The following MGAM2 variants were observed in gnomAD, a reference collection of about 807,000 sequenced individuals.
MGAM2 encodes maltase-glucoamylase 2 (putative).
A neutral mutation model predicts 96.1 loss-of-function variants in MGAM2; 98 were observed. The ratio of observed to expected loss-of-function variants is 1.02; its 90% CI spans 0.87 to 1.21. MGAM2 has a LOEUF of 1.21. Ranked by LOEUF, MGAM2 falls within the 50% of genes most tolerant of loss-of-function variation. The pLI, the probability that MGAM2 is intolerant of heterozygous loss-of-function variation, is 0.00. For missense variants in MGAM2, 2,055 were observed against 1,182.4 expected, an observed-to-expected ratio of 1.74 and a Z score of -10.82; for synonymous variants, 749 against 414.8, an observed-to-expected ratio of 1.81 and a Z score of -9.79.
intron 2 of MGAM2, 29 bp from the exon 3 acceptor site, chr7:142,120,273 T>C (rs1204279820): frequency 1.4e-6 from 1 of 701,964 alleles, no homozygotes; most frequent in African/African-American, 1.7e-5. Flanking sequence ...ACTACACATT[T>C]TCAACTTTAT....
chr7:142,208,754 G>A (rs1797487517), intron 46 of MGAM2, 132 bp downstream of exon 46: 2 of 574,054 alleles, frequency 3.5e-6, no homozygotes, highest in African/African-American at 1.9e-5. Flanking sequence ...TTATAATCCA[G>A]GTCTGTTGTC....
At chr7:142,124,721 A>G (rs1389986223) in intron 3 of MGAM2, among the ~76,000 whole-genome samples, 2 of 152,170 alleles carry the variant, frequency 1.3e-5, no homozygotes, top group Admixed American at 6.5e-5. Context: ...AACATGGTAT[A>G]TATCTTTCTA....
chr7:142,139,396 A>G (rs2129079962), intron 10 of MGAM2, among the ~76,000 whole-genome samples: 1 of 152,302 alleles, frequency 6.6e-6, no homozygotes, highest in East Asian at 1.9e-4. Context: ...GCGGTGGCTC[A>G]TGCCTGTAAT....
In MGAM2 at chr7:142,177,092, A is replaced by G. The variant is rs549704619; in HGVS notation, c.3816+1312A>G. 2.6e-5 allele frequency among the ~76,000 whole-genome samples: 4 copies of G among 152,234 alleles called. 1 individual carries two copies. In the South Asian group the frequency reaches 8.3e-4, roughly 32 times the overall value. On this transcript the variant is annotated intron_variant, in intron 32 of 47. Coordinates refer to ENST00000477922, the MANE Select transcript of MGAM2 (RefSeq NM_001293626.2). Reference sequence around the variant, plus strand: ...ATTGTGTAATGCTGAGGTTTGGAGTATGTATTAGTCTGTTTTCACGCTGCC... The same window carrying G: ...ATTGTGTAATGCTGAGGTTTGGAGTGTGTATTAGTCTGTTTTCACGCTGCC...
chr7:142,181,115 T>A (rs1365328636), intron 32 of MGAM2, among the ~76,000 whole-genome samples: 4 of 152,236 alleles, frequency 2.6e-5, no homozygotes, highest in African/African-American at 9.6e-5. Context: ...ATACTCTGAC[T>A]TTTTGAATTG....
rs1162616812 is a variant in MGAM2 at position 142,114,206 on chromosome 7, GAA to G, written c.-1+2401_-1+2402del. On this transcript the variant is annotated intron_variant, in intron 1 of 47. Coordinates refer to ENST00000477922, the MANE Select transcript of MGAM2 (RefSeq NM_001293626.2). ...AGAAAGAAAGAAAGAAAGAAAGAAA[GAA>G]AGAAAGAGAGAAAGAAAGAAAGAAA... 1.3e-4 allele frequency among the ~76,000 whole-genome samples: 18 copies of G among 139,688 alleles called. 2 individuals are homozygous for G. Among genetic ancestry groups the G allele is most frequent in the East Asian group, 2.0e-4 (1 of 4,966 alleles). 91.6% of individuals were successfully genotyped at this position (139,688 alleles called of 152,430 possible).
chr7:142,114,216 G>GAAAGAAAGAAAGAAAGAAAGAGAGAA (rs1554499599), intron 1 of MGAM2, among the ~76,000 whole-genome samples: 2 of 68,038 alleles, frequency 2.9e-5, no homozygotes, highest in Non-Finnish European at 5.5e-5. Context: ...GAAAGAAAGA[G>GAAAGAAAGAAAGAAAGAAAGAGAGAA]AGAAAGAAAG....
intron 15 of MGAM2, among the ~76,000 whole-genome samples, chr7:142,152,171 T>TA (rs35193680): frequency 4.1e-3 from 590 of 145,408 alleles, no homozygotes; most frequent in Non-Finnish European, 5.2e-3. Context: ...TTAAGATGTT[T>TA]AAAAAAAAAA....
chr7:142,164,506 T>C (rs1795975301), intron 23 of MGAM2, among the ~76,000 whole-genome samples: 1 of 152,156 alleles, frequency 6.6e-6, no homozygotes, highest in African/African-American at 2.4e-5. Context: ...TTGGTGTATA[T>C]GTGTATGTCT....
intron 32 of MGAM2, among the ~76,000 whole-genome samples, chr7:142,181,006 G>A (rs1796524219): frequency 6.6e-6 from 1 of 152,102 alleles, no homozygotes; most frequent in African/African-American, 2.4e-5. Flanking sequence ...GAGTGTCCTT[G>A]TCATACAGGT....
chr7:142,206,982 C>T (rs1462236748), intron 45 of MGAM2, among the ~76,000 whole-genome samples: 3 of 152,116 alleles, frequency 2.0e-5, no homozygotes, highest in Non-Finnish European at 4.4e-5. Context: ...CATTTTCTAG[C>T]CAAGACTAAA....
At chr7:142,132,381 TTTATATAATATATAA>T (rs993549943) in intron 6 of MGAM2, among the ~76,000 whole-genome samples, 2 of 143,206 alleles carry the variant, frequency 1.4e-5, no homozygotes, top group African/African-American at 5.1e-5. Flanking sequence ...ACATATATAA[TTTATATAATATATAA>T]TTATATAATA....
At chr7:142,159,176 T>C in intron 19 of MGAM2, 111 bp from the exon 20 acceptor site, 1 of 641,276 alleles carries the variant, frequency 1.6e-6, no homozygotes, top group Non-Finnish European at 2.8e-6. Flanking sequence ...TGGGATGATC[T>C]CAACCATCTC....
intron 37 of MGAM2, among the ~76,000 whole-genome samples, chr7:142,190,372 G>C (rs1322395055): frequency 4.0e-5 from 6 of 150,228 alleles, no homozygotes; most frequent in African/African-American, 1.5e-4. Flanking sequence ...CCTGGGTTCA[G>C]GTGATTCTCC....
chr7:142,218,304 A>T, intron 46 of MGAM2, 57 bp from the exon 47 acceptor site: 2 of 551,928 alleles, frequency 3.6e-6, no homozygotes, highest in Non-Finnish European at 6.4e-6. Flanking sequence ...TTTAATATGG[A>T]CCATAGTCTA....
chr7:142,113,988 G>T (rs1027106625), intron 1 of MGAM2, among the ~76,000 whole-genome samples: 1 of 151,738 alleles, frequency 6.6e-6, no homozygotes, highest in Non-Finnish European at 1.5e-5. Context: ...AAAATTAGCT[G>T]GGCATGATGG....
chr7:142,145,809 T>C (rs1282396947), intron 14 of MGAM2, among the ~76,000 whole-genome samples: 2 of 152,126 alleles, frequency 1.3e-5, no homozygotes, highest in Non-Finnish European at 2.9e-5. Flanking sequence ...GTGTACCCAA[T>C]TGGCCCACAT....
At chr7:142,208,649 A>G (rs1323272352) in intron 46 of MGAM2, 27 bp downstream of exon 46, 6 of 701,098 alleles carry the variant, frequency 8.6e-6, no homozygotes, top group African/African-American at 1.7e-5. Context: ...ACATTTTACA[A>G]ATCTTTTCCC....
At chr7:142,159,390 G>A (rs1254818584) in intron 20 of MGAM2, 47 bp downstream of exon 20, 15 of 699,686 alleles carry the variant, frequency 2.1e-5, no homozygotes, top group African/African-American at 1.4e-4. Context: ...CTCTAGCAGA[G>A]GGCAATTCTA....
Sources: gnomAD v4.1 joint callset for allele counts (sites outside exome capture counted in the v4.1 genomes callset) on GRCh38, gnomAD v4.1.1 for gene constraint, MANE v1.5 for transcripts, NCBI Gene and HGNC (gene_info 2026-07-23, HGNC 2026-07-21) for gene names.